Variants in PARP11 observed in about 807,000 individuals in gnomAD.
PARP11 encodes protein mono-ADP-ribosyltransferase PARP11.
PARP11 carries 31 observed loss-of-function variants against 42.9 expected under a neutral mutation model. The observed-to-expected ratio is 0.72, with a 90% CI of 0.54 to 0.98. PARP11 has a LOEUF of 0.98. Ranked by LOEUF, PARP11 falls within the 50% of genes least tolerant of loss-of-function variation. PARP11 has a pLI of 0.00. For synonymous variants in PARP11, 137 were observed against 127.3 expected (o/e 1.08, Z -0.51); for missense variants, 365 against 413.1 (o/e 0.88, Z 1.01).
At chr12:3,850,487 C>CT (rs1591529441) in intron 1 of PARP11, among the ~76,000 whole-genome samples, 1 of 152,160 alleles carries the variant, frequency 6.6e-6, no homozygotes, top group African/African-American at 2.4e-5. Context: ...TTCCCAGGCC[C>CT]TTTCAGCTGT....
At chr12:3,815,932 T>C (rs10774174) in intron 6 of PARP11, among the ~76,000 whole-genome samples, 29,445 of 152,174 alleles carry the variant, frequency 0.19, 3,494 homozygotes, top group East Asian at 0.36. Flanking sequence ...ATTTAAATGG[T>C]GACAGAGATG....
In PARP11 at chr12:3,852,023, C is replaced by A. The variant is rs542013474; in HGVS notation, c.18+21189G>T. On this transcript the variant is annotated intron_variant, in intron 1 of 7. Transcript: ENST00000228820. The stretch of plus-strand genomic sequence containing the variant: ...GGAGTGGACCTCCAGCAAACTCCAA[C>A]AGACGTGCAGCAGAGGAACCTGACT... 4.6e-5 allele frequency among the ~76,000 whole-genome samples: 7 copies of A among 152,356 alleles called. No homozygotes were observed. The East Asian group carries it at 1.3e-3, about 29-fold the overall frequency.
chr12:3,812,906 G>A (rs1357620732), intron 7 of PARP11, among the ~76,000 whole-genome samples: 3 of 152,120 alleles, frequency 2.0e-5, no homozygotes, highest in Admixed American at 6.5e-5. Flanking sequence ...AGGTTCAAGC[G>A]ATTCTCCTCC....
At chr12:3,860,925 A>C (rs1354556989) in intron 1 of PARP11, among the ~76,000 whole-genome samples, 1 of 151,994 alleles carries the variant, frequency 6.6e-6, no homozygotes, top group Non-Finnish European at 1.5e-5. Context: ...TGATCCTCCC[A>C]CCTCAGCCTG....
chr12:3,855,721 A>G (rs61907100), intron 1 of PARP11, among the ~76,000 whole-genome samples: 2,953 of 152,340 alleles, frequency 0.019, 41 homozygotes, highest in South Asian at 0.036. Flanking sequence ...TATAGATTCA[A>G]TGCCATCCCC....
chr12:3,832,865 A>G (rs976506427), intron 1 of PARP11, among the ~76,000 whole-genome samples: 6 of 152,200 alleles, frequency 3.9e-5, no homozygotes, highest in African/African-American at 1.4e-4. Context: ...TGGGAAGAAG[A>G]AAAAGCTAGT....
chr12:3,814,548 T>C (rs997074364), intron 6 of PARP11, among the ~76,000 whole-genome samples: 21 of 152,310 alleles, frequency 1.4e-4, no homozygotes, highest in Admixed American at 1.2e-3. Context: ...TTGCAGAGAC[T>C]TTAGACAGTG....
At chr12:3,868,335 G>C (rs1056247491) in intron 1 of PARP11, among the ~76,000 whole-genome samples, 1 of 151,964 alleles carries the variant, frequency 6.6e-6, no homozygotes, top group Non-Finnish European at 1.5e-5. Context: ...TGGTGCACAT[G>C]TGTAGTTCTA....
At chr12:3,813,472 T>C (rs1293480595) in intron 7 of PARP11, among the ~76,000 whole-genome samples, 1 of 152,240 alleles carries the variant, frequency 6.6e-6, no homozygotes, top group Admixed American at 6.5e-5. Context: ...AGGGCATTCT[T>C]ACTCTAAAAA....
At chr12:3,834,648 A>AAAAG (rs1217126666) in intron 1 of PARP11, among the ~76,000 whole-genome samples, 1 of 151,628 alleles carries the variant, frequency 6.6e-6, no homozygotes, top group East Asian at 1.9e-4. Flanking sequence ...AAAAAAAAAA[A>AAAAG]AAAGAAAGAA....
At chr12:3,837,979 G>T (rs1172957280) in intron 1 of PARP11, among the ~76,000 whole-genome samples, 1 of 150,056 alleles carries the variant, frequency 6.7e-6, no homozygotes, top group Non-Finnish European at 1.5e-5. Context: ...TAAAGTGAGG[G>T]GTAGACTGCA....
At chr12:3,868,409 G>A (rs1429008199) in intron 1 of PARP11, among the ~76,000 whole-genome samples, 4 of 152,122 alleles carry the variant, frequency 2.6e-5, no homozygotes, top group Non-Finnish European at 5.9e-5. Flanking sequence ...GCAGTTAGCC[G>A]AGATCATGCC....
At chr12:3,839,648 A>G (rs1947847091) in intron 1 of PARP11, 1 of 986,510 alleles carries the variant, frequency 1.0e-6, no homozygotes, top group Non-Finnish European at 1.6e-6. Context: ...TACAGGAAAG[A>G]TTTTATAACT....
intron 1 of PARP11, among the ~76,000 whole-genome samples, chr12:3,867,114 GA>G (rs1215726582): frequency 6.6e-6 from 1 of 152,100 alleles, no homozygotes; most frequent in Non-Finnish European, 1.5e-5. Flanking sequence ...GACATAAGTT[GA>G]AAAAGGTGCC....
intron 1 of PARP11, 53 bp downstream of exon 1, chr12:3,873,159 C>A (rs1402091500): frequency 2.8e-6 from 4 of 1,433,956 alleles, no homozygotes; most frequent in Non-Finnish European, 3.8e-6. Flanking sequence ...CCTCCCGCCC[C>A]TCTCTCATCA....
At chr12:3,836,178 CA>C (rs1407475929) in intron 1 of PARP11, among the ~76,000 whole-genome samples, 3 of 151,716 alleles carry the variant, frequency 2.0e-5, no homozygotes, top group African/African-American at 7.3e-5. Context: ...TTTCGAAAGC[CA>C]AAGACAAACA....
At chr12:3,854,736 T>C (rs529158758) in intron 1 of PARP11, among the ~76,000 whole-genome samples, 99 of 152,196 alleles carry the variant, frequency 6.5e-4, no homozygotes, top group South Asian at 1.0e-3. Flanking sequence ...TCTGAAACTA[T>C]TCCAATCAAC....
intron 1 of PARP11, among the ~76,000 whole-genome samples, chr12:3,838,592 A>G (rs1947811273): frequency 6.6e-6 from 1 of 152,228 alleles, no homozygotes; most frequent in Non-Finnish European, 1.5e-5. Flanking sequence ...AACAGAAGGA[A>G]ATAATAAATA....
At chr12:3,826,515 A>G (rs1565535336) in intron 3 of PARP11, among the ~76,000 whole-genome samples, 2 of 152,234 alleles carry the variant, frequency 1.3e-5, no homozygotes, top group African/African-American at 4.8e-5. Flanking sequence ...CCCCTTCTGT[A>G]TCACACTTAG....
Sources: gnomAD v4.1 joint callset for allele counts (sites outside exome capture counted in the v4.1 genomes callset) on GRCh38, gnomAD v4.1.1 for gene constraint, MANE v1.5 for transcripts, NCBI Gene and HGNC (gene_info 2026-07-23, HGNC 2026-07-21) for gene names.